The following TRIO variants were observed in gnomAD, a reference collection of about 807,000 sequenced individuals.
TRIO encodes trio Rho guanine nucleotide exchange factor.
A neutral mutation model predicts 351.9 loss-of-function variants in TRIO; 58 were observed. The ratio of observed to expected loss-of-function variants is 0.16; its 90% CI spans 0.13 to 0.21. The LOEUF (loss-of-function observed/expected upper bound fraction) is 0.21. Ranked by LOEUF, TRIO falls within the 10% of genes least tolerant of loss-of-function variation. The probability of loss-of-function intolerance (pLI) is 1.00; values close to 1 mark genes in which losing one functional copy is unlikely to be tolerated. For synonymous variants in TRIO, 1,758 were observed against 1,595.7 expected, an observed-to-expected ratio of 1.10 and a Z score of -2.42; for missense variants, 3,201 against 4,027.8, an observed-to-expected ratio of 0.79 and a Z score of 5.56.
intron 21 of TRIO, among the ~76,000 whole-genome samples, chr5:14,386,402 ACC>A (rs1746546784): frequency 1.3e-5 from 2 of 152,144 alleles, no homozygotes; most frequent in Non-Finnish European, 2.9e-5. Flanking sequence ...TTCACAGGTT[ACC>A]CAGTGAATTA....
At chr5:14,399,371 A>G in intron 30 of TRIO, 1 of 417,916 alleles carries the variant, frequency 2.4e-6, no homozygotes, top group Non-Finnish European at 4.2e-6. Flanking sequence ...GTGCTTAACT[A>G]GCTTTATAAA....
chr5:14,339,991 G>C (rs1433862930), intron 11 of TRIO, among the ~76,000 whole-genome samples: 2 of 152,222 alleles, frequency 1.3e-5, no homozygotes, highest in African/African-American at 2.4e-5. Flanking sequence ...GTCACTAAAT[G>C]TATTTGCATA....
At chr5:14,287,153 C>T (rs902529600) in intron 4 of TRIO, 90 bp downstream of exon 4, 1 of 1,304,706 alleles carries the variant, frequency 7.7e-7, no homozygotes, top group Admixed American at 2.2e-5. Flanking sequence ...TTTTTTTAAA[C>T]CACATATTAA....
rs141529018 is a variant in TRIO at position 14,358,403 on chromosome 5, C to T, written c.2216+56C>T. ...GATTCTGAAACCCTGCCTGTGACTC[C>T]CCTTCCCCTTTTACTCTTGTGAGTG... On this transcript the variant is annotated intron_variant, in intron 12 of 56. Transcript: ENST00000344204. 2.2e-4 allele frequency: 345 copies of T among 1,591,450 alleles called. 3 individuals are homozygous for T. In the African/African-American group the frequency reaches 4.3e-3, roughly 20 times the overall value.
intron 1 of TRIO, among the ~76,000 whole-genome samples, chr5:14,213,589 T>C (rs1011600371): frequency 2.6e-5 from 4 of 152,186 alleles, no homozygotes; most frequent in Admixed American, 2.6e-4. Flanking sequence ...GGGAAAAGTA[T>C]TTCTATAAAG....
Position 14,369,382 on chromosome 5 carries a change from C to T in TRIO, c.3075C>T (p.Ser1025=), listed in dbSNP as rs747758995. ...AFYKTSEQVC[S]VLESLEQEYK... ...ACTTTTCCTGCTCACAGGTCTGCAG[C>T]GTCCTCGAGAGCCTGGAACAGGAGT... Residue 1025 remains serine (S), a synonymous_variant, in exon 18 of 57, where the codon AGC becomes AGT. Transcript: ENST00000344204. The T allele has an allele frequency of 2.0e-5, 33 of 1,611,706 alleles. No individual in the cohort carries two copies. Among genetic ancestry groups the T allele is most frequent in the Middle Eastern group, 1.6e-4 (1 of 6,072 alleles).
chr5:14,155,937 C>G (rs377749754), intron 1 of TRIO, among the ~76,000 whole-genome samples: 1 of 152,096 alleles, frequency 6.6e-6, no homozygotes, highest in Non-Finnish European at 1.5e-5. Context: ...ATGATGGTTG[C>G]GAAATGTTGA....
rs1193992552 is a variant in TRIO at position 14,304,574 on chromosome 5, C to G, written c.1482C>G (p.Ile494Met). ...ACCACCAGGGAATATATGAACATAT[C>G]ACTCTTGCTTATTCTGAGGTAAGTG... is the stretch of plus-strand genomic sequence containing the variant. ...IHHHQGIYEH[I>M]TLAYSEVSQD... is the part of the protein sequence containing the mutation. The change falls in exon 8 of 57, where the codon ATC becomes ATG. Residue 494 changes from isoleucine to methionine, a missense_variant. Ile to Met is a conservative substitution (Grantham distance 10). Transcript: ENST00000344204. The G allele has an allele frequency of 6.2e-7, 1 of 1,613,372 alleles. No homozygotes were observed. The highest frequency in any genetic ancestry group is 1.7e-5 in the Admixed American group (1 of 59,852).
intron 1 of TRIO, among the ~76,000 whole-genome samples, chr5:14,261,402 AC>A (rs1267483974): frequency 4.6e-5 from 7 of 152,232 alleles, no homozygotes; most frequent in African/African-American, 2.4e-5. Flanking sequence ...AAATGGAGTC[AC>A]GTGAGCCCTC....
chr5:14,347,874 C>G (rs946500027), intron 11 of TRIO, among the ~76,000 whole-genome samples: 1 of 152,222 alleles, frequency 6.6e-6, no homozygotes, highest in Non-Finnish European at 1.5e-5. Flanking sequence ...CCCAACAGAT[C>G]TCAGCACCAA....
intron 20 of TRIO, among the ~76,000 whole-genome samples, chr5:14,380,924 T>C (rs6877000): frequency 1.6e-4 from 24 of 152,192 alleles, no homozygotes; most frequent in African/African-American, 4.3e-4. Flanking sequence ...GATACTGTTA[T>C]AACCATCTAG....
intron 1 of TRIO, among the ~76,000 whole-genome samples, chr5:14,177,336 G>A (rs181718726): frequency 4.9e-4 from 74 of 152,236 alleles, no homozygotes; most frequent in African/African-American, 1.7e-3. Flanking sequence ...CAGATGTTAT[G>A]AAAATCTTCT....
intron 4 of TRIO, 105 bp from the exon 5 acceptor site, chr5:14,290,611 A>G (rs944157634): frequency 3.8e-5 from 45 of 1,172,608 alleles, no homozygotes; most frequent in Non-Finnish European, 4.5e-5. Context: ...CTATAAATAG[A>G]TTACTTTAAC....
Position 14,485,167 on chromosome 5 carries a change from T to C in TRIO, c.6756T>C (p.His2252=). 1 of 1,596,998 alleles carries C rather than the reference T, an allele frequency of 6.3e-7. No homozygotes were observed. ...TGDVVETFIL[H]SSSPSVRQTW... ...ACGTGGTAGAGACCTTCATTTTGCATTCATCTAGTCCAAGTGTCCGGCAAA... is the reference window on the plus strand; with the variant it reads ...ACGTGGTAGAGACCTTCATTTTGCACTCATCTAGTCCAAGTGTCCGGCAAA... The change falls in exon 47 of 57, where the codon CAT becomes CAC. Residue 2252 remains histidine, a synonymous_variant. Coordinates refer to ENST00000344204, the MANE Select transcript of TRIO (RefSeq NM_007118.4).
At position 14,211,587 on chromosome 5, in the gene TRIO, G is replaced by A. The variant is rs1178363940; in HGVS notation, c.158-59238G>A. Among the ~76,000 whole-genome samples the A allele has an allele frequency of 6.0e-5, 4 of 66,748 alleles. No individual in the cohort carries two copies. The East Asian group carries it at 2.8e-3, about 47-fold the overall frequency. 43.8% of individuals were successfully genotyped at this position (66,748 alleles called of 152,430 possible). On this transcript the variant is annotated intron_variant, in intron 1 of 56. Coordinates refer to ENST00000344204, the MANE Select transcript of TRIO (RefSeq NM_007118.4). ...TATAGAGCTTTCCTGAGCACACTCA[G>A]TTGTTTTTTTTTTTTTTTTTTGTAA...
chr5:14,367,430 T>G (rs188339505), intron 16 of TRIO, among the ~76,000 whole-genome samples: 1 of 152,228 alleles, frequency 6.6e-6, no homozygotes, highest in Admixed American at 6.5e-5. Context: ...CAGGTGTATA[T>G]CATGAATTCA....
intron 1 of TRIO, among the ~76,000 whole-genome samples, chr5:14,269,518 C>G (rs16903348): frequency 0.037 from 5,701 of 152,288 alleles, 357 homozygotes; most frequent in African/African-American, 0.13. Context: ...GCTTGGAATT[C>G]ACCTGGTTTT....
chr5:14,174,821 C>T (rs1789311051), intron 1 of TRIO, among the ~76,000 whole-genome samples: 1 of 152,260 alleles, frequency 6.6e-6, no homozygotes, highest in African/African-American at 2.4e-5. Context: ...TCGTGGATCT[C>T]AATAAAATTC....
intron 21 of TRIO, among the ~76,000 whole-genome samples, chr5:14,383,861 C>A (rs1746324646): frequency 6.6e-6 from 1 of 152,158 alleles, no homozygotes; most frequent in South Asian, 2.1e-4. Context: ...TTCTAAGAAA[C>A]CATTTTGCTT....
Sources: gnomAD v4.1 joint callset for allele counts (sites outside exome capture counted in the v4.1 genomes callset) on GRCh38, gnomAD v4.1.1 for gene constraint, MANE v1.5 for transcripts, NCBI Gene and HGNC (gene_info 2026-07-23, HGNC 2026-07-21) for gene names.